Variants in SLC7A14 observed in about 807,000 individuals in gnomAD.
The protein encoded by SLC7A14 is solute carrier family 7 member 14.
A neutral mutation model predicts 60.2 loss-of-function variants in SLC7A14; 37 were observed. The ratio of observed to expected loss-of-function variants is 0.61; its 90% CI spans 0.47 to 0.81. The LOEUF (loss-of-function observed/expected upper bound fraction) is 0.81. Ranked by LOEUF, SLC7A14 falls within the 30% of genes least tolerant of loss-of-function variation. The pLI is 0.00. For missense variants in SLC7A14, 886 were observed against 982.7 expected, an observed-to-expected ratio of 0.90 and a Z score of 1.32; for synonymous variants, 399 against 395.8, an observed-to-expected ratio of 1.01 and a Z score of -0.10.
intron 1 of SLC7A14, among the ~76,000 whole-genome samples, chr3:170,550,635 C>T (rs1402614200): frequency 2.0e-5 from 3 of 149,322 alleles, no homozygotes; most frequent in Non-Finnish European, 3.0e-5. Context: ...AATTCTCCTG[C>T]CTCAGCCTCC....
At chr3:170,470,845 A>C (rs917551546) in intron 7 of SLC7A14, among the ~76,000 whole-genome samples, 3 of 152,164 alleles carry the variant, frequency 2.0e-5, no homozygotes, top group Non-Finnish European at 4.4e-5. Flanking sequence ...GTGTGGAAGC[A>C]GGGTGTTTTG....
chr3:170,496,648 A>G, intron 4 of SLC7A14: 1 of 1,367,028 alleles, frequency 7.3e-7, no homozygotes, highest in South Asian at 1.2e-5. Flanking sequence ...GGAGTCTGGG[A>G]TGCAGAACAC....
At chr3:170,529,177 A>G (rs1713601376) in intron 1 of SLC7A14, among the ~76,000 whole-genome samples, 1 of 152,266 alleles carries the variant, frequency 6.6e-6, no homozygotes, top group Non-Finnish European at 1.5e-5. Flanking sequence ...AGTAAATAAG[A>G]TACCACCCAG....
chr3:170,480,724 T>C lies in SLC7A14; in HGVS notation c.1558A>G (p.Ile520Val), dbSNP rs372599371. The change falls in exon 7 of 8, where the codon ATA becomes GTA. Residue 520 changes from isoleucine (I) to valine (V), a missense_variant. Coordinates refer to ENST00000231706, the MANE Select transcript of SLC7A14 (RefSeq NM_020949.3). ...ATATTTTCGGATTCATCAGCTTCTA[T>C]GCCTGTGGTCATGTCCACGGTGCCG... is the stretch of plus-strand genomic sequence containing the variant. Reference protein sequence around the residue: ...NYGTVDMTTGIEADESENIYL... With the variant: ...NYGTVDMTTGVEADESENIYL... The C allele has an allele frequency of 3.7e-6, 6 of 1,614,142 alleles. No homozygotes were observed. Among genetic ancestry groups the C allele is most frequent in the Non-Finnish European group, 5.1e-6 (6 of 1,180,064 alleles).
At chr3:170,470,809 G>A (rs1560247107) in intron 7 of SLC7A14, among the ~76,000 whole-genome samples, 1 of 152,164 alleles carries the variant, frequency 6.6e-6, no homozygotes, top group Admixed American at 6.5e-5. Context: ...TGTCGGAGGA[G>A]TAAACAGAGC....
intron 1 of SLC7A14, among the ~76,000 whole-genome samples, chr3:170,542,879 A>G (rs368890548): frequency 1.2e-4 from 19 of 152,316 alleles, no homozygotes; most frequent in African/African-American, 4.3e-4. Flanking sequence ...ACAGAGTGAT[A>G]TTTAGATGTG....
chr3:170,488,572 A>G (rs1034201603), intron 4 of SLC7A14, among the ~76,000 whole-genome samples: 1 of 152,234 alleles, frequency 6.6e-6, no homozygotes, highest in African/African-American at 2.4e-5. Context: ...TTTTTGACAA[A>G]GGTGCCAAGA....
At chr3:170,485,904 G>A (rs1013305460) in intron 5 of SLC7A14, among the ~76,000 whole-genome samples, 7 of 152,154 alleles carry the variant, frequency 4.6e-5, no homozygotes, top group Non-Finnish European at 1.0e-4. Context: ...ACCCGTTACT[G>A]CCAGCCTATG....
intron 2 of SLC7A14, among the ~76,000 whole-genome samples, chr3:170,509,102 C>G (rs1237393141): frequency 6.6e-6 from 1 of 152,182 alleles, no homozygotes; most frequent in African/African-American, 2.4e-5. Context: ...CCTTCAGCCT[C>G]ACTGCTACTG....
rs374201831 is a variant in SLC7A14, at chr3:170,555,636, C to T, written c.-152-28548G>A. 3.9e-5 allele frequency among the ~76,000 whole-genome samples: 6 copies of T among 152,234 alleles called. No individual in the cohort carries two copies. In the East Asian group the frequency reaches 1.2e-3, roughly 29 times the overall value. On this transcript the variant is annotated intron_variant, in intron 1 of 7. Transcript: ENST00000231706. Reference sequence around the variant, plus strand: ...CATGGTATCGCCTGTTGCTCCTAGGCTATAAACCTGTACAGCATGTGACTA... The same window carrying T: ...CATGGTATCGCCTGTTGCTCCTAGGTTATAAACCTGTACAGCATGTGACTA...
chr3:170,496,652 A>C, intron 4 of SLC7A14: 1 of 1,324,854 alleles, frequency 7.5e-7, no homozygotes, highest in African/African-American at 1.4e-5. Flanking sequence ...TCTGGGATGC[A>C]GAACACGAGT....
intron 1 of SLC7A14, among the ~76,000 whole-genome samples, chr3:170,578,624 G>T (rs1715160522): frequency 6.6e-6 from 1 of 152,270 alleles, no homozygotes; most frequent in Non-Finnish European, 1.5e-5. Flanking sequence ...CATAGTAATT[G>T]TATATAAGTA....
chr3:170,544,505 G>A (rs1560275790), intron 1 of SLC7A14, among the ~76,000 whole-genome samples: 1 of 152,152 alleles, frequency 6.6e-6, no homozygotes, highest in Non-Finnish European at 1.5e-5. Flanking sequence ...CTATGTACCT[G>A]CCATGATTTT....
intron 7 of SLC7A14, among the ~76,000 whole-genome samples, chr3:170,471,007 T>G (rs1739885219): frequency 6.6e-6 from 1 of 152,188 alleles, no homozygotes. Context: ...TGGTTGATGT[T>G]GCACCTTTGT....
At chr3:170,553,145 T>C (rs1318830754) in intron 1 of SLC7A14, among the ~76,000 whole-genome samples, 1 of 152,206 alleles carries the variant, frequency 6.6e-6, no homozygotes, top group Non-Finnish European at 1.5e-5. Flanking sequence ...AGCTGGATTC[T>C]CTTTCTGCCA....
At chr3:170,474,272 G>A (rs1711549889) in intron 7 of SLC7A14, among the ~76,000 whole-genome samples, 1 of 152,212 alleles carries the variant, frequency 6.6e-6, no homozygotes, top group Admixed American at 6.5e-5. Context: ...CAGGTAAGCT[G>A]CGCATGCCAG....
chr3:170,501,045 G>A (rs1313732569), intron 3 of SLC7A14, 64 bp downstream of exon 3: 1 of 1,522,860 alleles, frequency 6.6e-7, no homozygotes, highest in Non-Finnish European at 9.1e-7. Context: ...TTTCTGAAAG[G>A]AGAACTCATT....
chr3:170,515,631 G>GA (rs968917181), intron 2 of SLC7A14, among the ~76,000 whole-genome samples: 1 of 151,814 alleles, frequency 6.6e-6, no homozygotes, highest in African/African-American at 2.4e-5. Context: ...TGTTGGGGTG[G>GA]GGGGGGAGTT....
intron 1 of SLC7A14, among the ~76,000 whole-genome samples, chr3:170,558,131 G>A (rs530436373): frequency 6.6e-6 from 1 of 152,276 alleles, no homozygotes; most frequent in South Asian, 2.1e-4. Flanking sequence ...ACTTTAGGAG[G>A]CCGAGGTGGG....
Sources: gnomAD v4.1 joint callset for allele counts (sites outside exome capture counted in the v4.1 genomes callset) on GRCh38, gnomAD v4.1.1 for gene constraint, MANE v1.5 for transcripts, NCBI Gene and HGNC (gene_info 2026-07-23, HGNC 2026-07-21) for gene names.